The following COL10A1 variants were observed in gnomAD, a reference collection of about 807,000 sequenced individuals.
The protein encoded by COL10A1 is collagen alpha-1(X) chain.
Under a neutral mutation model 18.2 loss-of-function variants are expected in COL10A1, and 10 were observed. The ratio of observed to expected loss-of-function variants is 0.55; its 90% CI spans 0.34 to 0.93. The LOEUF (loss-of-function observed/expected upper bound fraction) is 0.93, where lower values mean the gene tolerates loss of function less well. Among genes scored for constraint, COL10A1 ranks in the 40% least tolerant of loss-of-function variants. COL10A1 has a pLI of 0.02. For missense variants in COL10A1, 897 were observed against 853.5 expected (o/e 1.05, Z -0.64); for synonymous variants, 330 against 316.6 (o/e 1.04, Z -0.45).
chr6:116,130,418 C>T (rs1779430370), upstream of COL10A1, among the ~76,000 whole-genome samples: 1 of 152,056 alleles, frequency 6.6e-6, no homozygotes, highest in African/African-American at 2.4e-5. Context: ...TACCAGTTGG[C>T]TCCTGAGTTC....
At chr6:116,177,218 G>A in the COL10A1 span, among the ~76,000 whole-genome samples, 2 of 152,094 alleles carry the variant, frequency 1.3e-5, no homozygotes, top group African/African-American at 4.8e-5. Context: ...ATTAAGTTTA[G>A]TCTCATAGAT....
chr6:116,151,997 C>T (rs1780053839), intron 1 of COL10A1, among the ~76,000 whole-genome samples: 1 of 152,132 alleles, frequency 6.6e-6, no homozygotes, highest in Non-Finnish European at 1.5e-5. Flanking sequence ...AAGCTAATGA[C>T]TAAGCTAATT....
the COL10A1 span, among the ~76,000 whole-genome samples, chr6:116,214,593 C>G: frequency 6.6e-6 from 1 of 152,098 alleles, no homozygotes; most frequent in Non-Finnish European, 1.5e-5. Context: ...GGCCCCACCC[C>G]AAACCTACTG....
the COL10A1 span, among the ~76,000 whole-genome samples, chr6:116,205,335 C>CT: frequency 6.6e-6 from 1 of 150,978 alleles, no homozygotes; most frequent in Non-Finnish European, 1.5e-5. Flanking sequence ...AGACTTCAGA[C>CT]TTTTTTTTTA....
chr6:116,150,068 T>G (rs1178752086), intron 1 of COL10A1, among the ~76,000 whole-genome samples: 1 of 152,098 alleles, frequency 6.6e-6, no homozygotes, highest in Non-Finnish European at 1.5e-5. Context: ...GTTTAGAGAA[T>G]AGGAGTTAGA....
At chr6:116,213,049 G>C in the COL10A1 span, among the ~76,000 whole-genome samples, 1 of 152,138 alleles carries the variant, frequency 6.6e-6, no homozygotes, top group African/African-American at 2.4e-5. Context: ...ATTGCATAGA[G>C]ATAATAATTA....
chr6:116,120,011 G>C lies in COL10A1; in HGVS notation c.*62C>G. ...AGCCTACCTCCATATGCATTTTGTA[G>C]GGTGGGGTAGAGTTAGAGAATGCTT... On this transcript the variant is annotated 3_prime_UTR_variant, in exon 3 of 3. Transcript: ENST00000651968. 7.3e-7 allele frequency: 1 copy of C among 1,364,646 alleles called. No homozygotes were observed. Among genetic ancestry groups the C allele is most frequent in the Non-Finnish European group, 1.0e-6 (1 of 955,068 alleles). The allele number at this position is 1,364,646 out of a possible 1,614,324, so 84.5% of individuals were successfully genotyped here. A position where few individuals can be genotyped will look rare whatever the true frequency, so the allele number is the denominator to read the frequency against.
the COL10A1 span, among the ~76,000 whole-genome samples, chr6:116,188,747 A>G: frequency 6.6e-6 from 1 of 150,836 alleles, no homozygotes. Flanking sequence ...ATGAATGTTT[A>G]TAACATTTCA....
chr6:116,142,759 C>G (rs977953388), intron 1 of COL10A1, among the ~76,000 whole-genome samples: 2 of 152,094 alleles, frequency 1.3e-5, no homozygotes, highest in African/African-American at 4.8e-5. Context: ...TTTCTTGTTT[C>G]TTTTTGTTTC....
chr6:116,155,089 A>G (rs1039171331), intron 1 of COL10A1, among the ~76,000 whole-genome samples: 1 of 152,198 alleles, frequency 6.6e-6, no homozygotes, highest in Admixed American at 6.5e-5. Flanking sequence ...TGCAAAAGTA[A>G]TTGCGGTTTT....
upstream of COL10A1, among the ~76,000 whole-genome samples, chr6:116,161,322 C>T (rs576432536): frequency 3.3e-5 from 5 of 149,642 alleles, no homozygotes; most frequent in Admixed American, 3.3e-4. Context: ...GCACATGTAC[C>T]CTAAAACTTA....
At chr6:116,207,544 A>G in the COL10A1 span, among the ~76,000 whole-genome samples, 3 of 151,948 alleles carry the variant, frequency 2.0e-5, no homozygotes, top group Non-Finnish European at 4.4e-5. Flanking sequence ...TTTGAAAAGT[A>G]TATATGATTG....
At chr6:116,207,786 TGCC>T in the COL10A1 span, among the ~76,000 whole-genome samples, 2 of 151,986 alleles carry the variant, frequency 1.3e-5, no homozygotes, top group Non-Finnish European at 2.9e-5. Flanking sequence ...CCTGAGTCTC[TGCC>T]CACTCCTTGC....
chr6:116,192,884 G>C, the COL10A1 span, among the ~76,000 whole-genome samples: 222 of 152,094 alleles, frequency 1.5e-3, 2 homozygotes, highest in African/African-American at 5.3e-3. Context: ...GCTTTCTCAC[G>C]TTGCATCTTC....
chr6:116,162,600 ATCCTTG>A, upstream of COL10A1, among the ~76,000 whole-genome samples: 1 of 152,274 alleles, frequency 6.6e-6, no homozygotes, highest in Non-Finnish European at 1.5e-5. Context: ...ATGTTGAACC[ATCCTTG>A]TGTTCCCAGA....
the COL10A1 span, among the ~76,000 whole-genome samples, chr6:116,211,696 C>T: frequency 0.1 from 15,337 of 152,058 alleles, 1,292 homozygotes; most frequent in African/African-American, 0.23. Flanking sequence ...AAATTCTGTA[C>T]TACCTATTAC....
chr6:116,179,534 A>T, the COL10A1 span, among the ~76,000 whole-genome samples: 1 of 152,176 alleles, frequency 6.6e-6, no homozygotes, highest in Non-Finnish European at 1.5e-5. Flanking sequence ...CATATGACAA[A>T]ATGCTCAACG....
At chr6:116,125,314 G>T in intron 2 of COL10A1, 25 bp downstream of exon 2, 1 of 1,610,020 alleles carries the variant, frequency 6.2e-7, no homozygotes, top group South Asian at 1.1e-5. Context: ...CTTGTTAATA[G>T]AACAAAATAT....
intron 1 of COL10A1, among the ~76,000 whole-genome samples, chr6:116,146,216 C>T (rs2114381802): frequency 6.6e-6 from 1 of 152,210 alleles, no homozygotes; most frequent in South Asian, 2.1e-4. Flanking sequence ...ATATAGATAA[C>T]CTGAGATTTA....
Sources: allele counts gnomAD v4.1 joint callset (sites outside exome capture counted in the v4.1 genomes callset), GRCh38; gene constraint gnomAD v4.1.1; transcripts MANE v1.5; gene names NCBI Gene and HGNC (gene_info 2026-07-23, HGNC 2026-07-21).